Variants in ACYP2 observed in about 807,000 individuals in gnomAD.
The protein encoded by ACYP2 is acylphosphatase-2.
A neutral mutation model predicts 11.2 loss-of-function variants in ACYP2; 12 were observed. The ratio of observed to expected loss-of-function variants is 1.08; its 90% CI spans 0.69 to 1.74. ACYP2 has a LOEUF of 1.74. Among genes scored for constraint, ACYP2 ranks in the 40% most tolerant of loss-of-function variants. The pLI, the probability that ACYP2 is intolerant of heterozygous loss-of-function variation, is 0.00. For missense variants in ACYP2, 134 were observed against 101.9 expected (o/e 1.31, Z -1.35); for synonymous variants, 43 against 32.2 (o/e 1.33, Z -1.13).
intron 6 of ACYP2, among the ~76,000 whole-genome samples, chr2:54,227,067 C>T (rs1422936927): frequency 6.6e-6 from 1 of 152,096 alleles, no homozygotes; most frequent in African/African-American, 2.4e-5. Context: ...CCATTGGGTA[C>T]AAATACTGAA....
intron 2 of ACYP2, among the ~76,000 whole-genome samples, chr2:54,030,298 C>A (rs1054403556): frequency 5.9e-5 from 9 of 152,166 alleles, no homozygotes; most frequent in Non-Finnish European, 5.9e-5. Flanking sequence ...GTTACCTTGA[C>A]TCGTCTCAGA....
rs74693155 is a variant in ACYP2, at chr2:54,181,464, T to C, written c.404+42716T>C. ...TGAAAATATAACAAGAACATAATGA[T>C]AATAATCCCTACTACTTATAGTAGT... On this transcript the variant is annotated intron_variant, in intron 6 of 6. Transcript: ENST00000607452. Among the ~76,000 whole-genome samples the C allele has an allele frequency of 7.9e-3, 1,200 of 152,292 alleles. 13 individuals are homozygous for C. Among genetic ancestry groups the C allele is most frequent in the African/African-American group, 0.027 (1,138 of 41,556 alleles).
intron 6 of ACYP2, among the ~76,000 whole-genome samples, chr2:54,238,037 C>G (rs886927728): frequency 6.6e-6 from 1 of 152,146 alleles, no homozygotes; most frequent in Non-Finnish European, 1.5e-5. Context: ...TAGCCTGGAA[C>G]ACTGTTTTCA....
At chr2:54,115,453 G>A (rs1177218907) in intron 4 of ACYP2, 162 bp from the exon 1 acceptor site, 1 of 963,756 alleles carries the variant, frequency 1.0e-6, no homozygotes, top group African/African-American at 1.7e-5. Context: ...AGTCCGGGAA[G>A]AGAGGCCTAG....
intron 6 of ACYP2, among the ~76,000 whole-genome samples, chr2:54,179,926 G>C (rs1030452332): frequency 6.6e-6 from 1 of 152,098 alleles, no homozygotes; most frequent in Non-Finnish European, 1.5e-5. Flanking sequence ...CCCACAGATT[G>C]GGGGCTCAGT....
intron 2 of ACYP2, chr2:54,029,598 T>A: frequency 2.6e-6 from 1 of 388,790 alleles, no homozygotes; most frequent in Non-Finnish European, 5.0e-6. Context: ...CCAGGTAACT[T>A]TCTCTTTGGC....
chr2:54,171,205 C>T (rs1304621172), intron 6 of ACYP2, among the ~76,000 whole-genome samples: 2 of 152,164 alleles, frequency 1.3e-5, no homozygotes, highest in African/African-American at 4.8e-5. Context: ...AAGGTTCACG[C>T]TGGCCTTCCT....
intron 2 of ACYP2, among the ~76,000 whole-genome samples, chr2:53,977,044 A>G (rs1198232506): frequency 6.6e-6 from 1 of 151,856 alleles, no homozygotes; most frequent in Non-Finnish European, 1.5e-5. Context: ...TCTAATATCC[A>G]TATTTCTTTT....
chr2:54,268,369 T>G (rs1411438855), intron 6 of ACYP2, among the ~76,000 whole-genome samples: 1 of 152,178 alleles, frequency 6.6e-6, no homozygotes, highest in Non-Finnish European at 1.5e-5. Context: ...TTAGGTGTGG[T>G]GATTAAGGAA....
intron 6 of ACYP2, chr2:54,255,078 G>A: frequency 6.2e-7 from 1 of 1,614,154 alleles, no homozygotes; most frequent in African/African-American, 1.3e-5. Flanking sequence ...ACTCTGGAAG[G>A]CTGTGGTCTG....
chr2:54,110,570 C>A (rs767968007), intron 4 of ACYP2, among the ~76,000 whole-genome samples: 11 of 152,126 alleles, frequency 7.2e-5, no homozygotes, highest in Admixed American at 3.3e-4. Context: ...GAAAACAAAA[C>A]CATAGTTATA....
At chr2:54,247,333 C>T (rs762310429) in intron 6 of ACYP2, among the ~76,000 whole-genome samples, 2 of 152,168 alleles carry the variant, frequency 1.3e-5, no homozygotes, top group African/African-American at 2.4e-5. Context: ...CCCTTCCCCA[C>T]CCAAAAAGAC....
Position 54,097,017 on chromosome 2 carries a change from T to C in ACYP2, c.278-38436T>C, listed in dbSNP as rs554332888. 2.6e-5 allele frequency among the ~76,000 whole-genome samples: 4 copies of C among 152,316 alleles called. No individual in the cohort carries two copies. In the East Asian group the frequency reaches 7.7e-4, roughly 29 times the overall value. On this transcript the variant is annotated intron_variant, in intron 4 of 6. Coordinates refer to ENST00000607452, the MANE Select transcript of ACYP2 (RefSeq NM_001320586.2). ...GAGCCCCCACATCCAGCCTGAAATA[T>C]TTTATTTTAAAGGAATCTTTTTCAA...
intron 2 of ACYP2, among the ~76,000 whole-genome samples, chr2:54,036,196 G>T (rs535332662): frequency 2.6e-4 from 40 of 152,298 alleles, no homozygotes; most frequent in African/African-American, 9.6e-4. Context: ...CCGGGTTCAA[G>T]CGATTCTCCT....
chr2:54,083,233 C>A (rs934706611), intron 4 of ACYP2, among the ~76,000 whole-genome samples: 2 of 152,180 alleles, frequency 1.3e-5, no homozygotes, highest in Non-Finnish European at 2.9e-5. Context: ...CTGCTGCCAC[C>A]CGCCAGGGGT....
chr2:54,095,264 G>A (rs1387668521), intron 4 of ACYP2, among the ~76,000 whole-genome samples: 1 of 152,210 alleles, frequency 6.6e-6, no homozygotes, highest in Non-Finnish European at 1.5e-5. Context: ...AGAACAAAAC[G>A]AAGTCTCCCA....
At chr2:54,276,619 T>TCACACACACACACA (rs3071186) in intron 6 of ACYP2, among the ~76,000 whole-genome samples, 7 of 146,214 alleles carry the variant, frequency 4.8e-5, no homozygotes, top group East Asian at 2.0e-4. Flanking sequence ...GATTGTTCTT[T>TCACACACACACACA]CACACACACA....
chr2:54,219,827 GTA>G (rs1291541821), intron 6 of ACYP2, among the ~76,000 whole-genome samples: 1 of 143,196 alleles, frequency 7.0e-6, no homozygotes, highest in Admixed American at 7.0e-5. Flanking sequence ...ATGTGTGTGT[GTA>G]TATATATGTG....
intron 6 of ACYP2, among the ~76,000 whole-genome samples, chr2:54,202,274 A>G (rs1273326785): frequency 6.8e-6 from 1 of 147,836 alleles, no homozygotes; most frequent in Admixed American, 6.7e-5. Context: ...ATGACCGGCT[A>G]ATTTTTGTAT....
Sources: gnomAD v4.1 joint callset for allele counts (sites outside exome capture counted in the v4.1 genomes callset) on GRCh38, gnomAD v4.1.1 for gene constraint, MANE v1.5 for transcripts, NCBI Gene and HGNC (gene_info 2026-07-23, HGNC 2026-07-21) for gene names.